Variants in RBMS2 observed in about 807,000 individuals in gnomAD.
The protein encoded by RBMS2 is RNA binding motif single stranded interacting protein 2, also known as RNA-binding motif, single-stranded-interacting protein 2.
RBMS2 carries 38 observed loss-of-function variants against 58.4 expected under a neutral mutation model. The ratio of observed to expected loss-of-function variants is 0.65; its 90% confidence interval spans 0.50 to 0.85. RBMS2 has a LOEUF of 0.85. RBMS2 is among the 40% of genes least tolerant of loss of function. The probability of loss-of-function intolerance (pLI) is 0.00; values close to 1 mark genes in which losing one functional copy is unlikely to be tolerated. For synonymous variants in RBMS2, 151 were observed against 180.7 expected (o/e 0.84, Z 1.32); for missense variants, 367 against 503.7 (o/e 0.73, Z 2.60).
At chr12:56,546,499 A>AT (rs535227725) in intron 1 of RBMS2, among the ~76,000 whole-genome samples, 32 of 150,160 alleles carry the variant, frequency 2.1e-4, no homozygotes, top group Middle Eastern at 3.5e-3. Context: ...AAAAAATATA[A>AT]TTTTTTTGTA....
In RBMS2 at chr12:56,594,931, T is replaced by C. The variant is rs1373024431; in HGVS notation, c.*5798T>C. Reference sequence around the variant, plus strand: ...GGTGGGGGCTAGAAAAGGCTCATAATTTTTAAACTCTTGGGAATTAAACTT... The same window carrying C: ...GGTGGGGGCTAGAAAAGGCTCATAACTTTTAAACTCTTGGGAATTAAACTT... On this transcript the variant is annotated 3_prime_UTR_variant, in exon 14 of 14. Transcript: ENST00000262031. 2 of 152,236 alleles carry C rather than the reference T, an allele frequency of 1.3e-5. No homozygotes were observed. The allele number at this position is 152,236 out of a possible 1,614,324, so 9.4% of individuals were successfully genotyped here.
At chr12:56,575,228 A>G (rs1016701917) in intron 5 of RBMS2, among the ~76,000 whole-genome samples, 6 of 152,076 alleles carry the variant, frequency 3.9e-5, no homozygotes, top group Non-Finnish European at 8.8e-5. Flanking sequence ...CAGGAGTTCA[A>G]GACCAGCCTG....
intron 1 of RBMS2, among the ~76,000 whole-genome samples, chr12:56,560,578 A>G (rs1004801599): frequency 1.3e-5 from 2 of 151,542 alleles, no homozygotes; most frequent in East Asian, 1.9e-4. Context: ...TATTTTTTGT[A>G]GAGATGGGGT....
At chr12:56,560,862 GTTA>G (rs1421315378) in intron 1 of RBMS2, among the ~76,000 whole-genome samples, 1 of 152,110 alleles carries the variant, frequency 6.6e-6, no homozygotes, top group Non-Finnish European at 1.5e-5. Context: ...TTGTCACCCA[GTTA>G]TTAAGCCTCA....
chr12:56,555,730 C>T (rs1254178700), intron 1 of RBMS2, among the ~76,000 whole-genome samples: 2 of 152,084 alleles, frequency 1.3e-5, no homozygotes, highest in South Asian at 2.1e-4. Context: ...GGTGGGATTA[C>T]AGGTGCCTAC....
chr12:56,529,952 C>T (rs1873391605), intron 1 of RBMS2, among the ~76,000 whole-genome samples: 1 of 152,216 alleles, frequency 6.6e-6, no homozygotes, highest in East Asian at 1.9e-4. Flanking sequence ...CTCTGTTGCC[C>T]AGGCTGGAGT....
intron 1 of RBMS2, among the ~76,000 whole-genome samples, chr12:56,529,578 T>TAAC (rs963950117): frequency 2.2e-5 from 3 of 138,116 alleles, no homozygotes; most frequent in South Asian, 2.3e-4. Context: ...ACAACAACAA[T>TAAC]AACAACAACA....
At chr12:56,558,708 A>T (rs1188949185) in intron 1 of RBMS2, among the ~76,000 whole-genome samples, 12 of 140,986 alleles carry the variant, frequency 8.5e-5, no homozygotes, top group African/African-American at 2.6e-4. Context: ...TGATCCTCCC[A>T]CCTCAGCCCT....
chr12:56,536,789 G>A (rs1874963852), intron 1 of RBMS2, among the ~76,000 whole-genome samples: 1 of 151,786 alleles, frequency 6.6e-6, no homozygotes, highest in South Asian at 2.1e-4. Flanking sequence ...GGCTGGTCTT[G>A]AACTCCTGAC....
Position 56,582,139 on chromosome 12 carries a change from T to C in RBMS2, c.860T>C (p.Val287Ala). 1.2e-6 allele frequency: 2 copies of C among 1,606,170 alleles called. No homozygotes were observed. Among genetic ancestry groups the C allele is most frequent in the Non-Finnish European group, 1.7e-6 (2 of 1,173,028 alleles). The change falls in exon 9 of 14, where the codon GTG (valine) becomes GCG (alanine). Residue 287 changes from valine (V) to alanine (A), a missense_variant. This residue lies in a region of RBMS2 where 220 missense variants were observed against 261.1 expected (regional missense o/e 0.84). Coordinates refer to ENST00000262031, the MANE Select transcript of RBMS2 (RefSeq NM_002898.4). ...SALSPYLSSP[V>A]SSYQRVTQTS... Reference sequence around the variant, plus strand: ...CTCTCCCCATACCTTTCCTCTCCTGTGTCTTCGTATCAGGTATGTTCATGC... The same window carrying C: ...CTCTCCCCATACCTTTCCTCTCCTGCGTCTTCGTATCAGGTATGTTCATGC...
intron 1 of RBMS2, among the ~76,000 whole-genome samples, chr12:56,536,343 T>G (rs567992562): frequency 6.6e-6 from 1 of 152,132 alleles, no homozygotes; most frequent in African/African-American, 2.4e-5. Flanking sequence ...AGGCTGTTCT[T>G]GAACTCCTGG....
In RBMS2 at chr12:56,587,628, G is replaced by GC. The variant is rs1403473098; in HGVS notation, c.1027dup (p.Gln343ProfsTer109). The GC allele has an allele frequency of 1.9e-6, 3 of 1,613,722 alleles. No individual in the cohort carries two copies. The highest frequency in any genetic ancestry group is 2.5e-6 in the Non-Finnish European group (3 of 1,179,762). On this transcript the variant is annotated frameshift_variant, in exon 11 of 14. Coordinates refer to ENST00000262031, the MANE Select transcript of RBMS2 (RefSeq NM_002898.4). LOFTEE classifies it high-confidence loss of function. ...CCTCCATGATGGGACCCCTTACCCA[G>GC]CAACTGGGCCATCTCTCCCTCAGCA...
intron 1 of RBMS2, among the ~76,000 whole-genome samples, chr12:56,539,197 A>G (rs550793640): frequency 1.3e-5 from 2 of 152,094 alleles, no homozygotes; most frequent in South Asian, 2.1e-4. Context: ...TTGTATTTTT[A>G]GTAGAGATGA....
At chr12:56,546,913 G>A (rs545363965) in intron 1 of RBMS2, among the ~76,000 whole-genome samples, 2 of 152,234 alleles carry the variant, frequency 1.3e-5, no homozygotes, top group South Asian at 4.1e-4. Context: ...GCCATAAATG[G>A]TATACGAGGT....
At chr12:56,553,842 T>G (rs1878747598) in intron 1 of RBMS2, among the ~76,000 whole-genome samples, 1 of 117,262 alleles carries the variant, frequency 8.5e-6, no homozygotes, top group South Asian at 2.5e-4. Flanking sequence ...TTTTTTTTTT[T>G]GAGATGGAAT....
At chr12:56,558,278 C>T (rs1879657415) in intron 1 of RBMS2, among the ~76,000 whole-genome samples, 2 of 10,458 alleles carry the variant, frequency 1.9e-4, no homozygotes, top group African/African-American at 3.0e-4. Flanking sequence ...GGTCTCTTGA[C>T]CTCATGATCC....
chr12:56,545,698 T>G (rs1877034054), intron 1 of RBMS2, among the ~76,000 whole-genome samples: 1 of 152,200 alleles, frequency 6.6e-6, no homozygotes, highest in Non-Finnish European at 1.5e-5. Context: ...CCTTTGTGAT[T>G]GGCTTCTGTC....
At chr12:56,568,074 G>A (rs193046083) in intron 2 of RBMS2, among the ~76,000 whole-genome samples, 4 of 152,170 alleles carry the variant, frequency 2.6e-5, no homozygotes, top group African/African-American at 9.7e-5. Context: ...AGATGATGAG[G>A]CTGAGACACC....
At chr12:56,551,561 A>G (rs892014360) in intron 1 of RBMS2, among the ~76,000 whole-genome samples, 2 of 152,200 alleles carry the variant, frequency 1.3e-5, no homozygotes, top group African/African-American at 4.8e-5. Context: ...GAGAGAAATG[A>G]CATGATCACA....
Sources: gnomAD v4.1 joint callset for allele counts (sites outside exome capture counted in the v4.1 genomes callset) on GRCh38, gnomAD v4.1.1 for gene constraint, gnomAD v4.1.1 regional missense constraint, MANE v1.5 for transcripts, NCBI Gene and HGNC (gene_info 2026-07-23, HGNC 2026-07-21) for gene names.